Variants in CDKL4 observed in about 807,000 individuals in gnomAD.
CDKL4 encodes the protein cyclin-dependent kinase-like 4.
A neutral mutation model predicts 42.0 loss-of-function variants in CDKL4; 44 were observed. The ratio of observed to expected loss-of-function variants is 1.05; its 90% CI spans 0.82 to 1.35. The LOEUF (loss-of-function observed/expected upper bound fraction) is 1.35. Among genes scored for constraint, CDKL4 ranks in the 40% most tolerant of loss-of-function variants. The pLI is 0.00. For missense variants in CDKL4, 393 were observed against 369.9 expected (o/e 1.06, Z -0.51); for synonymous variants, 120 against 121.6 (o/e 0.99, Z 0.09).
chr2:39,209,016 G>T (rs1677398505), intron 4 of CDKL4, among the ~76,000 whole-genome samples: 2 of 151,524 alleles, frequency 1.3e-5, no homozygotes, highest in Admixed American at 6.6e-5. Flanking sequence ...AGTCATTTTT[G>T]CCAGCTGGGC....
chr2:39,184,227 C>A (rs919237258), intron 8 of CDKL4, among the ~76,000 whole-genome samples: 1 of 152,204 alleles, frequency 6.6e-6, no homozygotes, highest in African/African-American at 2.4e-5. Flanking sequence ...CAATGTATGA[C>A]AGGGTCACAC....
In CDKL4 at chr2:39,193,034, A is replaced by G. The variant is rs377239475; in HGVS notation, c.455-2532T>C. On this transcript the variant is annotated intron_variant, in intron 5 of 9. Transcript: ENST00000451199. ...TCCCAGCTACATGGGAGGGTGAGGCAGGAGGATAGCTTGAGCCTAGGAGGT... is the reference window on the plus strand; with the variant it reads ...TCCCAGCTACATGGGAGGGTGAGGCGGGAGGATAGCTTGAGCCTAGGAGGT... Among the ~76,000 whole-genome samples, 63 of 151,564 alleles carry G rather than the reference A, an allele frequency of 4.2e-4. 1 individual carries two copies. Among genetic ancestry groups the G allele is most frequent in the African/African-American group, 1.5e-3 (60 of 41,342 alleles).
At chr2:39,235,431 A>G (rs1172421919) in intron 1 of CDKL4, among the ~76,000 whole-genome samples, 1 of 152,222 alleles carries the variant, frequency 6.6e-6, no homozygotes, top group African/African-American at 2.4e-5. Context: ...TGAAGAGGGA[A>G]AGAAAGATGA....
At chr2:39,208,066 G>A (rs967662725) in intron 4 of CDKL4, among the ~76,000 whole-genome samples, 7 of 151,890 alleles carry the variant, frequency 4.6e-5, no homozygotes, top group African/African-American at 1.7e-4. Flanking sequence ...TGCGCCACTG[G>A]ACCCCAGCCT....
intron 1 of CDKL4, among the ~76,000 whole-genome samples, chr2:39,241,623 G>A (rs1026730061): frequency 6.6e-6 from 1 of 152,058 alleles, no homozygotes; most frequent in Non-Finnish European, 1.5e-5. Flanking sequence ...ACACTTTCAG[G>A]TCTCTAAGTC....
chr2:39,186,536 G>C (rs1441265706), intron 7 of CDKL4, among the ~76,000 whole-genome samples: 1 of 152,178 alleles, frequency 6.6e-6, no homozygotes, highest in Non-Finnish European at 1.5e-5. Context: ...TGTCTACAGA[G>C]AGCAAGAGAG....
intron 5 of CDKL4, among the ~76,000 whole-genome samples, chr2:39,191,224 C>T (rs1171473430): frequency 1.3e-5 from 2 of 152,098 alleles, no homozygotes; most frequent in Non-Finnish European, 2.9e-5. Flanking sequence ...CATGGCAAAA[C>T]CCTGTCTCTA....
chr2:39,185,275 CACATATGTATATATACATATATAT>C (rs1675691304), intron 7 of CDKL4, among the ~76,000 whole-genome samples: 6 of 49,860 alleles, frequency 1.2e-4, no homozygotes, highest in South Asian at 7.7e-4. Flanking sequence ...CATATATATA[CACATATGTATATATACATATATAT>C]ACACATATGT....
chr2:39,245,177 A>G (rs1679859139), upstream of CDKL4, among the ~76,000 whole-genome samples: 1 of 152,144 alleles, frequency 6.6e-6, no homozygotes, highest in Non-Finnish European at 1.5e-5. Context: ...AAATCTTGCT[A>G]CTGCTCACTC....
intron 4 of CDKL4, among the ~76,000 whole-genome samples, chr2:39,210,405 G>GT (rs1455585551): frequency 6.6e-6 from 1 of 152,208 alleles, no homozygotes; most frequent in East Asian, 1.9e-4. Flanking sequence ...TGGCAGTTGC[G>GT]TTGGTCTACA....
intron 9 of CDKL4, among the ~76,000 whole-genome samples, chr2:39,177,720 C>T (rs1394224624): frequency 6.6e-6 from 1 of 150,548 alleles, no homozygotes; most frequent in Non-Finnish European, 1.5e-5. Context: ...GATGAAGTCT[C>T]ACTCTGTTGC....
rs369296581 is a variant in CDKL4, at chr2:39,225,836, T to C, written c.290+3A>G. 14 of 1,598,100 alleles carry C rather than the reference T, an allele frequency of 8.8e-6. No homozygotes were observed. The Admixed American group carries it at 1.2e-4, about 14-fold the overall frequency. On this transcript the variant is annotated splice_donor_region_variant and intron_variant, in intron 3 of 9. Transcript: ENST00000451199. Reference sequence around the variant, plus strand: ...ACAGAATTTCAGTTTCCAGATTACTTACCCATTTGGGTTTCTTTCCAGCTC... The same window carrying C: ...ACAGAATTTCAGTTTCCAGATTACTCACCCATTTGGGTTTCTTTCCAGCTC...
intron 4 of CDKL4, among the ~76,000 whole-genome samples, chr2:39,205,957 T>A (rs17038956): frequency 0.072 from 10,974 of 151,860 alleles, 1,356 homozygotes; most frequent in African/African-American, 0.25. Context: ...CCTGGAACGA[T>A]CAGCAACACT....
In CDKL4 at chr2:39,209,135, C is replaced by CAA. The variant is rs1157267738; in HGVS notation, c.363+4263_363+4264dup. Among the ~76,000 whole-genome samples the CAA allele has an allele frequency of 4.5e-4, 45 of 99,076 alleles. 1 individual carries two copies. The highest frequency in any genetic ancestry group is 1.4e-3 in the African/African-American group (44 of 31,266). 65.0% of individuals were successfully genotyped at this position (99,076 alleles called of 152,430 possible). On this transcript the variant is annotated intron_variant, in intron 4 of 9. Coordinates refer to ENST00000451199, the Ensembl canonical transcript of CDKL4. ...GGGCAACACAATGAGACTATCTCTACAAAAAAAAAAAAAAATTTTTTTTTT... is the reference window on the plus strand; with the variant it reads ...GGGCAACACAATGAGACTATCTCTACAAAAAAAAAAAAAAAAATTTTTTTTTT...
downstream of CDKL4, among the ~76,000 whole-genome samples, chr2:39,172,562 G>A (rs1211896976): frequency 1.3e-5 from 2 of 152,170 alleles, no homozygotes; most frequent in African/African-American, 4.8e-5. Flanking sequence ...ACAGGCATAT[G>A]GCATCAGAAG....
At chr2:39,173,735 G>A (rs545952685), downstream of CDKL4, among the ~76,000 whole-genome samples, 395 of 150,910 alleles carry the variant, frequency 2.6e-3, 2 homozygotes, top group Non-Finnish European at 4.3e-3. Context: ...GCGTGAACCC[G>A]GGAGGCGGAG....
chr2:39,209,385 A>G (rs1677440994), intron 4 of CDKL4, among the ~76,000 whole-genome samples: 1 of 152,118 alleles, frequency 6.6e-6, no homozygotes, highest in South Asian at 2.1e-4. Flanking sequence ...AATACAGCAA[A>G]TATATAAAAA....
At chr2:39,170,296 GAAAGAAAAGAAAAGA>G in the CDKL4 span, among the ~76,000 whole-genome samples, 346 of 135,410 alleles carry the variant, frequency 2.6e-3, 3 homozygotes, top group African/African-American at 6.9e-3. Flanking sequence ...AAAAAAAAAA[GAAAGAAAAGAAAAGA>G]AAAGAAAAGA....
At position 39,185,361 on chromosome 2, in the gene CDKL4, CAT is replaced by C. The variant is rs34154031; in HGVS notation, c.736-716_736-715del. ...ATATATATACACATATGTATATATA[CAT>C]ATATATATACATATGTATATATACA... On this transcript the variant is annotated intron_variant, in intron 7 of 9. Transcript: ENST00000451199. 1.7e-3 allele frequency among the ~76,000 whole-genome samples: 112 copies of C among 64,142 alleles called. 30 individuals carry two copies. Among genetic ancestry groups the C allele is most frequent in the East Asian group, 7.1e-3 (19 of 2,692 alleles). The allele number at this position is 64,142 out of a possible 152,430, so 42.1% of individuals were successfully genotyped here. A position where few individuals can be genotyped will look rare whatever the true frequency, so the allele number is the denominator to read the frequency against.
Sources: allele counts gnomAD v4.1 joint callset (sites outside exome capture counted in the v4.1 genomes callset), GRCh38; gene constraint gnomAD v4.1.1; transcripts MANE v1.5; gene names NCBI Gene and HGNC (gene_info 2026-07-23, HGNC 2026-07-21).